ALDH3A2: variants seen among roughly 807,000 people sequenced by gnomAD.
ALDH3A2 encodes aldehyde dehydrogenase family 3 member A2.
Under a neutral mutation model 51.3 loss-of-function variants are expected in ALDH3A2, and 36 were observed. The observed-to-expected ratio is 0.70, with a 90% CI of 0.54 to 0.93. The LOEUF is 0.93. Among genes scored for constraint, ALDH3A2 ranks in the 40% least tolerant of loss-of-function variants. The pLI is 0.00. For synonymous variants in ALDH3A2, 199 were observed against 219.8 expected (o/e 0.91, Z 0.84); for missense variants, 552 against 603.1 (o/e 0.92, Z 0.89).
rs1292650390 is a variant in ALDH3A2, at chr17:19,656,395, TGAG to T, written c.504_506del (p.Glu169del). ...TCTATATTGTTATTAATGGTGGTGT[TGAG>T]GAAACCACGGAGCTCCTGAAGCAGC... On this transcript the variant is annotated inframe_deletion, in exon 4 of 10. Coordinates refer to ENST00000176643, the MANE Select transcript of ALDH3A2 (RefSeq NM_000382.3). 6.2e-7 allele frequency: 1 copy of T among 1,614,180 alleles called. No individual in the cohort carries two copies. The highest frequency in any genetic ancestry group is 2.2e-5 in the East Asian group (1 of 44,882).
intron 5 of ALDH3A2, among the ~76,000 whole-genome samples, chr17:19,658,136 T>A (rs1476326347): frequency 6.6e-6 from 1 of 152,164 alleles, no homozygotes; most frequent in Non-Finnish European, 1.5e-5. Flanking sequence ...AGTTAAATAA[T>A]CGTGTGTCCG....
intron 6 of ALDH3A2, chr17:19,662,058 G>A (rs927101250): frequency 6.6e-6 from 1 of 151,976 alleles, no homozygotes; most frequent in East Asian, 1.9e-4. Flanking sequence ...ATCTCTCTTG[G>A]TGGCAGCCCA....
chr17:19,663,234 G>A (rs1914534381), intron 6 of ALDH3A2, 99 bp from the exon 7 acceptor site: 2 of 1,394,380 alleles, frequency 1.4e-6, no homozygotes, highest in African/African-American at 1.4e-5. Flanking sequence ...GGGTGGGAGA[G>A]GGAAAGGCAT....
At chr17:19,669,708 C>T (rs980010801) in intron 8 of ALDH3A2, among the ~76,000 whole-genome samples, 3 of 152,174 alleles carry the variant, frequency 2.0e-5, no homozygotes, top group African/African-American at 4.8e-5. Flanking sequence ...AATCACGGCT[C>T]ATTGCAGCCT....
chr17:19,655,424 A>G (rs2084881592), intron 3 of ALDH3A2: 2 of 152,252 alleles, frequency 1.3e-5, no homozygotes, highest in African/African-American at 4.8e-5. Flanking sequence ...AAATTCTTCA[A>G]TAACTGACTC....
At position 19,656,499 on chromosome 17, in the gene ALDH3A2, C is replaced by G. The variant is rs2084899291; in HGVS notation, c.605C>G (p.Thr202Ser). ...IVMEAAAKHL[T>S]PVTLELGGKS... Reference sequence around the variant, plus strand: ...ATGGAAGCTGCTGCCAAGCATCTGACCCCTGTGACTCTTGAACTGGGAGGG... The same window carrying G: ...ATGGAAGCTGCTGCCAAGCATCTGAGCCCTGTGACTCTTGAACTGGGAGGG... Residue 202 changes from threonine to serine, a missense_variant, in exon 4 of 10, where the codon ACC (threonine) becomes AGC (serine). Physicochemically the swap from Thr to Ser is moderately conservative, Grantham distance 58 (BLOSUM62 1). Transcript: ENST00000176643. The G allele has an allele frequency of 6.2e-7, 1 of 1,614,028 alleles. No homozygotes were observed. The highest frequency in any genetic ancestry group is 8.5e-7 in the Non-Finnish European group (1 of 1,180,044).
At chr17:19,656,726 CTT>C in intron 4 of ALDH3A2, 152 bp downstream of exon 4, 1 of 801,696 alleles carries the variant, frequency 1.2e-6, no homozygotes, top group South Asian at 1.5e-5. Context: ...TAACAGGAGT[CTT>C]TCACTGTCTC....
chr17:19,671,619 C>A (rs1007461986), intron 8 of ALDH3A2, 102 bp from the exon 9 acceptor site: 27 of 1,003,698 alleles, frequency 2.7e-5, no homozygotes, highest in Non-Finnish European at 4.1e-5. Flanking sequence ...GTGGGGTTCC[C>A]AGGCAGCAGG....
At chr17:19,657,373 A>G (rs961394057) in intron 4 of ALDH3A2, among the ~76,000 whole-genome samples, 8 of 152,246 alleles carry the variant, frequency 5.3e-5, no homozygotes, top group African/African-American at 1.9e-4. Flanking sequence ...AGCCACAACC[A>G]GGAGAGTCTG....
rs117023321 is a variant in ALDH3A2, at chr17:19,659,120, A to G, written c.798+1258A>G. Among the ~76,000 whole-genome samples the G allele has an allele frequency of 2.0e-3, 309 of 151,782 alleles. 4 individuals are homozygous for G. In the East Asian group the frequency reaches 0.049, roughly 24 times the overall value. ...GTGGCACGCACCTATAATTCTAGCT[A>G]CTTGGGAGGCTGAGGCACAAGAATT... On this transcript the variant is annotated intron_variant, in intron 5 of 9. Transcript: ENST00000176643.
chr17:19,653,819 T>G (rs893653561), intron 3 of ALDH3A2, among the ~76,000 whole-genome samples: 1 of 152,216 alleles, frequency 6.6e-6, no homozygotes, highest in Non-Finnish European at 1.5e-5. Flanking sequence ...TATTCCCTTA[T>G]CTGGCCCCAC....
chr17:19,652,247 A>G (rs1033142055), intron 2 of ALDH3A2, among the ~76,000 whole-genome samples: 7 of 152,224 alleles, frequency 4.6e-5, no homozygotes, highest in African/African-American at 1.7e-4. Context: ...TCACTTGCCC[A>G]ATAATTCCAG....
rs1382448768 is a variant in ALDH3A2 at position 19,677,213 on chromosome 17, ATTTAC to A, written c.*1646_*1650del. On this transcript the variant is annotated 3_prime_UTR_variant, in exon 10 of 10. Transcript: ENST00000176643. ...TCAGCTCACTCAATGAGAGAATGTG[ATTTAC>A]TTTATAGAACGTATAATCAACTTTG... 1 of 152,308 alleles carries A rather than the reference ATTTAC, an allele frequency of 6.6e-6. No individual in the cohort carries two copies. Among genetic ancestry groups the A allele is most frequent in the Middle Eastern group, 3.4e-3 (1 of 294 alleles). The allele number at this position is 152,308 out of a possible 1,614,324, so 9.4% of individuals were successfully genotyped here.
chr17:19,655,439 C>T (rs1270847781), intron 3 of ALDH3A2: 3 of 152,096 alleles, frequency 2.0e-5, no homozygotes, highest in East Asian at 1.9e-4. Context: ...TGACTCTGTC[C>T]GGATAAGGAG....
intron 8 of ALDH3A2, among the ~76,000 whole-genome samples, chr17:19,668,983 C>A (rs1284300515): frequency 1.3e-5 from 1 of 74,418 alleles, no homozygotes; most frequent in African/African-American, 4.5e-5. Flanking sequence ...TTTCTTTTTT[C>A]TTTTCTTTTC....
rs1478617324 is a variant in ALDH3A2, at chr17:19,654,734, C to T, written c.472-1632C>T. Reference sequence around the variant, plus strand: ...TCCCACAAGCAGAAGGAGCCGGCTCCAGCCTTGGCCAGCCCAGAGAGGGGC... The same window carrying T: ...TCCCACAAGCAGAAGGAGCCGGCTCTAGCCTTGGCCAGCCCAGAGAGGGGC... On this transcript the variant is annotated intron_variant, in intron 3 of 9. Transcript: ENST00000176643. This position sits in a 1 kb window ranked among gnomAD's most constrained non-coding sequence, Gnocchi z 4.5. Among the ~76,000 whole-genome samples, 1 of 152,046 alleles carries T rather than the reference C, an allele frequency of 6.6e-6. No homozygotes were observed. Among genetic ancestry groups the T allele is most frequent in the Non-Finnish European group, 1.5e-5 (1 of 68,004 alleles).
intron 3 of ALDH3A2, among the ~76,000 whole-genome samples, chr17:19,655,907 G>A (rs1324790676): frequency 9.9e-5 from 15 of 152,230 alleles, no homozygotes; most frequent in Admixed American, 9.2e-4. Context: ...AAAAGCAAGC[G>A]CTCTCAGCTA....
chr17:19,660,386 T>G (rs983128769), intron 5 of ALDH3A2, among the ~76,000 whole-genome samples: 1 of 152,058 alleles, frequency 6.6e-6, no homozygotes, highest in Non-Finnish European at 1.5e-5. Context: ...CACCCAGACT[T>G]GAGAATTGCT....
intron 3 of ALDH3A2, among the ~76,000 whole-genome samples, chr17:19,653,472 G>A (rs1269345204): frequency 1.3e-5 from 2 of 152,166 alleles, no homozygotes; most frequent in Non-Finnish European, 2.9e-5. Context: ...GGACATGTTC[G>A]GAGTTTCTTC....
Sources: gnomAD v4.1 joint callset for allele counts (sites outside exome capture counted in the v4.1 genomes callset) on GRCh38, gnomAD v4.1.1 for gene constraint, Gnocchi (gnomAD v3.1) non-coding constraint, MANE v1.5 for transcripts, NCBI Gene and HGNC (gene_info 2026-07-23, HGNC 2026-07-21) for gene names.